Variants in NFAM1 observed in about 807,000 individuals in gnomAD.
NFAM1 encodes NFAT activation molecule 1.
Under a neutral mutation model 29.0 loss-of-function variants are expected in NFAM1, and 17 were observed. That is an observed-to-expected ratio of 0.59 (90% CI 0.40 to 0.88). NFAM1 has a LOEUF of 0.88. Ranked by LOEUF, NFAM1 falls within the 40% of genes least tolerant of loss-of-function variation. The probability of loss-of-function intolerance (pLI) is 0.00; values close to 1 mark genes in which losing one functional copy is unlikely to be tolerated. For missense variants in NFAM1, 324 were observed against 344.6 expected (o/e 0.94, Z 0.47); for synonymous variants, 175 against 147.2 (o/e 1.19, Z -1.36).
intron 1 of NFAM1, among the ~76,000 whole-genome samples, chr22:42,416,655 C>T (rs1314332045): frequency 6.6e-6 from 1 of 152,026 alleles, no homozygotes; most frequent in African/African-American, 2.4e-5. Flanking sequence ...CGGCCTGCCC[C>T]GGGGGTGCCT....
chr22:42,384,878 T>G lies in NFAM1; in HGVS notation c.*283A>C. On this transcript the variant is annotated 3_prime_UTR_variant, in exon 6 of 6. Coordinates refer to ENST00000329021, the MANE Select transcript of NFAM1 (RefSeq NM_145912.8). The stretch of plus-strand genomic sequence containing the variant: ...GCAAGGGTGGCATCCAGGAAAGCCC[T>G]TGAAGACTGAGGGGCGCTTTGCTGG... The G allele has an allele frequency of 1.9e-6, 1 of 524,828 alleles. No individual in the cohort carries two copies. Among genetic ancestry groups the G allele is most frequent in the Non-Finnish European group, 3.5e-6 (1 of 289,170 alleles). 32.5% of individuals were successfully genotyped at this position (524,828 alleles called of 1,614,324 possible).
intron 1 of NFAM1, among the ~76,000 whole-genome samples, chr22:42,415,888 C>T (rs1001886722): frequency 1.3e-5 from 2 of 152,192 alleles, no homozygotes; most frequent in Non-Finnish European, 2.9e-5. Flanking sequence ...CTGTCCCAGA[C>T]CAGGAGGGGC....
chr22:42,419,991 T>TG lies in NFAM1; in HGVS notation c.122-8256_122-8255insC, dbSNP rs1396391017. Among the ~76,000 whole-genome samples the TG allele has an allele frequency of 3.0e-3, 34 of 11,274 alleles. No homozygotes were observed. Among genetic ancestry groups the TG allele is most frequent in the African/African-American group, 5.5e-3 (3 of 546 alleles). The allele number at this position is 11,274 out of a possible 152,430, so 7.4% of individuals were successfully genotyped here. A position where few individuals can be genotyped will look rare whatever the true frequency, so the allele number is the denominator to read the frequency against. ...TTTGAGTCTGTAATCCCACTCTTGG[T>TG]TTTTTTTTTTTTTTTTTTTTTTTTT... On this transcript the variant is annotated intron_variant, in intron 1 of 5. Transcript: ENST00000329021. The surrounding 1 kb of genome is among the most constrained non-coding windows in gnomAD (Gnocchi z 4.5).
rs57832859 is a variant in NFAM1, at chr22:42,395,173, CA to C, written c.663+2684del. ...TGAGTGACAGAGAAAGACCCTGTCT[CA>C]AAAAAAAAAATAAAACAGGCCAAGC... On this transcript the variant is annotated intron_variant, in intron 4 of 5. Transcript: ENST00000329021. 7.5e-3 allele frequency among the ~76,000 whole-genome samples: 1,022 copies of C among 135,704 alleles called. 11 individuals are homozygous for C. The highest frequency in any genetic ancestry group is 0.024 in the African/African-American group (913 of 37,820). The allele number at this position is 135,704 out of a possible 152,430, so 89.0% of individuals were successfully genotyped here.
Position 42,388,476 on chromosome 22 carries a change from G to A in NFAM1, c.664-1398C>T, listed in dbSNP as rs946606965. ...AGAACCTGTTGGACTCCGGAGCAGAGCCCACCAACAGCCTAAGCAAGAGCA... is the reference window on the plus strand; with the variant it reads ...AGAACCTGTTGGACTCCGGAGCAGAACCCACCAACAGCCTAAGCAAGAGCA... On this transcript the variant is annotated intron_variant, in intron 4 of 5. Transcript: ENST00000329021. This position sits in a 1 kb window ranked among gnomAD's most constrained non-coding sequence, Gnocchi z 4.1. 6.6e-6 allele frequency among the ~76,000 whole-genome samples: 1 copy of A among 152,144 alleles called. No homozygotes were observed. Among genetic ancestry groups the A allele is most frequent in the Non-Finnish European group, 1.5e-5 (1 of 68,020 alleles).
chr22:42,420,833 T>C (rs893184887), intron 1 of NFAM1, among the ~76,000 whole-genome samples: 3 of 152,186 alleles, frequency 2.0e-5, no homozygotes, highest in African/African-American at 7.2e-5. Context: ...GAAAGAAATA[T>C]ACTTCTTTAA....
chr22:42,417,637 G>A (rs1361066677), intron 1 of NFAM1, among the ~76,000 whole-genome samples: 1 of 152,180 alleles, frequency 6.6e-6, no homozygotes, highest in Admixed American at 6.5e-5. Flanking sequence ...GTGAGGAGGG[G>A]CTGGTGAGGA....
rs576966748 is a variant in NFAM1, at chr22:42,402,862, G to A, written c.565-4906C>T. On this transcript the variant is annotated intron_variant, in intron 3 of 5. Transcript: ENST00000329021. ...TTTTTTTTTTTTTTTTTGAGATGGA[G>A]TTTTGCTCTGTCACCCAGGCTGGAG... is the stretch of plus-strand genomic sequence containing the variant. Among the ~76,000 whole-genome samples the A allele has an allele frequency of 1.5e-4, 20 of 134,762 alleles. No individual in the cohort carries two copies. The East Asian group carries it at 4.0e-3, about 27-fold the overall frequency. 88.4% of individuals were successfully genotyped at this position (134,762 alleles called of 152,430 possible). A position where few individuals can be genotyped will look rare whatever the true frequency, so the allele number is the denominator to read the frequency against.
chr22:42,424,910 C>CATATTTAT (rs1451135465), intron 1 of NFAM1, among the ~76,000 whole-genome samples: 1 of 113,082 alleles, frequency 8.8e-6, no homozygotes, highest in African/African-American at 4.3e-5. Context: ...TCTTTCTTTT[C>CATATTTAT]GTATTTATTT....
intron 4 of NFAM1, among the ~76,000 whole-genome samples, chr22:42,390,609 G>T (rs367752151): frequency 6.6e-6 from 1 of 152,082 alleles, no homozygotes; most frequent in African/African-American, 2.4e-5. Flanking sequence ...CTGAGGTCAG[G>T]AGTTCAAGAC....
chr22:42,390,756 G>A (rs557607715), intron 4 of NFAM1, among the ~76,000 whole-genome samples: 1 of 148,430 alleles, frequency 6.7e-6, no homozygotes, highest in Admixed American at 6.8e-5. Context: ...GGTAGAGGTT[G>A]CAGTGAGCCA....
intron 1 of NFAM1, among the ~76,000 whole-genome samples, chr22:42,413,829 A>G (rs1930171383): frequency 6.6e-6 from 1 of 152,190 alleles, no homozygotes; most frequent in African/African-American, 2.4e-5. Flanking sequence ...CAAGGTGGGC[A>G]GATCTCTTGA....
chr22:42,432,395 C>T lies in NFAM1; in HGVS notation c.-38G>A. ...TTGTCTGCGGCGACTCTTTAGTTCACAGGAGGGGACGGCCGGCGCTGACAG... is the reference window on the plus strand; with the variant it reads ...TTGTCTGCGGCGACTCTTTAGTTCATAGGAGGGGACGGCCGGCGCTGACAG... On this transcript the variant is annotated 5_prime_UTR_variant, in exon 1 of 6. The change creates a new upstream start codon in the 5' untranslated region. Transcript: ENST00000329021. 6.6e-7 allele frequency: 1 copy of T among 1,508,690 alleles called. No individual in the cohort carries two copies. The highest frequency in any genetic ancestry group is 8.8e-7 in the Non-Finnish European group (1 of 1,130,554). 93.5% of individuals were successfully genotyped at this position (1,508,690 alleles called of 1,614,324 possible).
intron 1 of NFAM1, among the ~76,000 whole-genome samples, chr22:42,421,646 T>G (rs9623589): frequency 0.32 from 48,689 of 151,786 alleles, 8,075 homozygotes; most frequent in Admixed American, 0.43. Flanking sequence ...ATCCCTTCTA[T>G]GGCATCAAGC....
At chr22:42,435,815 CTTTTTTTTTTTT>C (rs890914167), upstream of NFAM1, among the ~76,000 whole-genome samples, 2 of 94,260 alleles carry the variant, frequency 2.1e-5, no homozygotes, top group Admixed American at 9.7e-5. Flanking sequence ...TTTTCTTCTT[CTTTTTTTTTTTT>C]TTTTTTTTTG....
chr22:42,404,391 T>C (rs1202863036), intron 3 of NFAM1, among the ~76,000 whole-genome samples: 1 of 152,074 alleles, frequency 6.6e-6, no homozygotes. Context: ...CTCTTTCTCC[T>C]GGACTCTCTC....
rs1435076737 is a variant in NFAM1 at position 42,384,733 on chromosome 22, C to T, written c.*428G>A. 4.5e-6 allele frequency: 1 copy of T among 220,204 alleles called. No homozygotes were observed. The highest frequency in any genetic ancestry group is 9.2e-6 in the Non-Finnish European group (1 of 108,908). 13.6% of individuals were successfully genotyped at this position (220,204 alleles called of 1,614,324 possible). A position where few individuals can be genotyped will look rare whatever the true frequency, so the allele number is the denominator to read the frequency against. Reference sequence around the variant, plus strand: ...CCATACCTCGGCTCCCCACACAGCACTGCTAGGCGCCCCTGCAGGGTCCTC... The same window carrying T: ...CCATACCTCGGCTCCCCACACAGCATTGCTAGGCGCCCCTGCAGGGTCCTC... On this transcript the variant is annotated 3_prime_UTR_variant, in exon 6 of 6. Coordinates refer to ENST00000329021, the MANE Select transcript of NFAM1 (RefSeq NM_145912.8).
In NFAM1 at chr22:42,383,771, G is replaced by A. The variant is rs1250917713; in HGVS notation, c.*1390C>T. The A allele has an allele frequency of 6.5e-6, 1 of 152,754 alleles. No homozygotes were observed. Among genetic ancestry groups the A allele is most frequent in the Non-Finnish European group, 1.5e-5 (1 of 68,128 alleles). The allele number at this position is 152,754 out of a possible 1,614,324, so 9.5% of individuals were successfully genotyped here. On this transcript the variant is annotated 3_prime_UTR_variant, in exon 6 of 6. Transcript: ENST00000329021. ...TTCCCCCCCCTCCCTGGGCACATTT[G>A]GGGTTGGGGCAGCCCACACGGTGGG... is the stretch of plus-strand genomic sequence containing the variant.
chr22:42,424,258 A>G (rs2413690), intron 1 of NFAM1, among the ~76,000 whole-genome samples: 58,877 of 151,906 alleles, frequency 0.39, 12,103 homozygotes, highest in African/African-American at 0.52. Context: ...TACTAAAAAT[A>G]CAAAAAATTA....
Sources: gnomAD v4.1 joint callset for allele counts (sites outside exome capture counted in the v4.1 genomes callset) on GRCh38, gnomAD v4.1.1 for gene constraint, Gnocchi (gnomAD v3.1) non-coding constraint, MANE v1.5 for transcripts, NCBI Gene and HGNC (gene_info 2026-07-23, HGNC 2026-07-21) for gene names.